Variants in MRPS18B observed in about 807,000 individuals in gnomAD.
MRPS18B encodes mitochondrial ribosomal protein S18B.
In MRPS18B, 27 loss-of-function variants were observed where a neutral mutation model predicts 28.4. That is an observed-to-expected ratio of 0.95 (90% CI 0.70 to 1.31). The LOEUF (loss-of-function observed/expected upper bound fraction) is 1.31. Ranked by LOEUF, MRPS18B falls within the 40% of genes most tolerant of loss-of-function variation. The pLI is 0.00. For missense variants in MRPS18B, 343 were observed against 335.9 expected (o/e 1.02, Z -0.17); for synonymous variants, 118 against 123.7 (o/e 0.95, Z 0.30).
chr6:30,620,071 A>G, intron 4 of MRPS18B, 82 bp downstream of exon 4: 1 of 1,367,464 alleles, frequency 7.3e-7, no homozygotes, highest in Non-Finnish European at 1.0e-6. Flanking sequence ...TAATCCCAGC[A>G]CTTTGGGAGG....
At position 30,617,861 on chromosome 6, in the gene MRPS18B, T is replaced by C. The variant is rs773439451; in HGVS notation, c.-5T>C. ...CGTCAATTCCTGTCCTGGGCGTACG[T>C]CAAGATGGCGGCGTCTGTATTAAAC... On this transcript the variant is annotated 5_prime_UTR_variant, in exon 1 of 7. Coordinates refer to ENST00000259873, the MANE Select transcript of MRPS18B (RefSeq NM_014046.4). The C allele has an allele frequency of 8.7e-6, 14 of 1,614,178 alleles. No individual in the cohort carries two copies. The Middle Eastern group carries it at 5.0e-4, about 57-fold the overall frequency.
intron 4 of MRPS18B, among the ~76,000 whole-genome samples, chr6:30,621,536 TG>T (rs1170930822): frequency 6.6e-6 from 1 of 152,200 alleles, no homozygotes; most frequent in Non-Finnish European, 1.5e-5. Flanking sequence ...GTAGAGCATT[TG>T]GATAACAGTC....
At position 30,626,214 on chromosome 6, in the gene MRPS18B, C is replaced by T. The variant is rs372073637; in HGVS notation, c.*417C>T. The T allele has an allele frequency of 3.5e-4, 65 of 187,452 alleles. 2 individuals are homozygous for T. The South Asian group carries it at 9.4e-3, about 27-fold the overall frequency. The allele number at this position is 187,452 out of a possible 1,614,324, so 11.6% of individuals were successfully genotyped here. On this transcript the variant is annotated 3_prime_UTR_variant, in exon 7 of 7. Coordinates refer to ENST00000259873, the MANE Select transcript of MRPS18B (RefSeq NM_014046.4). ...GTGTCTTTTGTGGCCAGTGACAAATCCAGGAAATGAATGTTGCTGATAGGG... is the reference window on the plus strand; with the variant it reads ...GTGTCTTTTGTGGCCAGTGACAAATTCAGGAAATGAATGTTGCTGATAGGG...
chr6:30,624,861 C>A, intron 5 of MRPS18B, 22 bp from the exon 6 acceptor site: 1 of 1,611,870 alleles, frequency 6.2e-7, no homozygotes, highest in Non-Finnish European at 8.5e-7. Flanking sequence ...CCTTAAAGAA[C>A]AAGATATTTT....
Position 30,625,702 on chromosome 6 carries a change from A to T in MRPS18B, c.682A>T (p.Ser228Cys). The change falls in exon 7 of 7, where the codon AGT becomes TGT. Residue 228 changes from serine to cysteine, a missense_variant. Transcript: ENST00000259873. ...TTACCAGGGTCATCTCCAAGAAGAGAGTGGCCCCCCACCTGAGTCAATGCC... is the reference window on the plus strand; with the variant it reads ...TTACCAGGGTCATCTCCAAGAAGAGTGTGGCCCCCCACCTGAGTCAATGCC... ...RLYQGHLQEE[S>C]GPPPESMPKM... is the part of the protein sequence containing the mutation. The T allele has an allele frequency of 6.2e-7, 1 of 1,613,044 alleles. No individual in the cohort carries two copies. The highest frequency in any genetic ancestry group is 1.3e-5 in the African/African-American group (1 of 75,034).
chr6:30,620,314 C>T (rs978679497), intron 4 of MRPS18B, among the ~76,000 whole-genome samples: 13 of 149,400 alleles, frequency 8.7e-5, no homozygotes, highest in African/African-American at 3.2e-4. Context: ...GAGACTCCGT[C>T]TCAAAAAAAA....
chr6:30,621,442 A>G (rs1761152564), intron 4 of MRPS18B, among the ~76,000 whole-genome samples: 1 of 152,190 alleles, frequency 6.6e-6, no homozygotes, highest in Admixed American at 6.5e-5. Flanking sequence ...TTATATCAAT[A>G]AAACAGATAA....
At position 30,619,917 on chromosome 6, in the gene MRPS18B, A is replaced by T. The variant is rs1159822554; in HGVS notation, c.286-4A>T. On this transcript the variant is annotated splice_region_variant and splice_polypyrimidine_tract_variant and intron_variant, in intron 3 of 6. Transcript: ENST00000259873. ...CTTAACTGCTGTTTTTTTTCTCTCT[A>T]CAGCGTCGGAATAAAGTTGTTGGGA... 1.2e-6 allele frequency: 2 copies of T among 1,614,040 alleles called. No homozygotes were observed. The highest frequency in any genetic ancestry group is 1.7e-6 in the Non-Finnish European group (2 of 1,179,956).
chr6:30,625,382 AC>A (rs1312318070), intron 6 of MRPS18B, 119 bp from the exon 7 acceptor site: 3 of 1,017,366 alleles, frequency 2.9e-6, no homozygotes, highest in Non-Finnish European at 4.4e-6. Flanking sequence ...GCAGTATACA[AC>A]ATGCATAAAT....
intron 6 of MRPS18B, 49 bp downstream of exon 6, chr6:30,624,991 A>G (rs1031855822): frequency 6.2e-7 from 1 of 1,600,120 alleles, no homozygotes; most frequent in Non-Finnish European, 8.6e-7. Flanking sequence ...TATAAGGAAG[A>G]TGACTTAGGG....
At chr6:30,622,561 CAAAAAA>C (rs554297101) in intron 4 of MRPS18B, among the ~76,000 whole-genome samples, 3 of 28,564 alleles carry the variant, frequency 1.1e-4, no homozygotes, top group African/African-American at 1.9e-4. Context: ...GACTCTGTCT[CAAAAAA>C]AAAAAAAAAA....
chr6:30,618,087 C>CG (rs949851674), intron 1 of MRPS18B, 144 bp downstream of exon 1: 3 of 786,030 alleles, frequency 3.8e-6, no homozygotes, highest in East Asian at 5.5e-5. Context: ...ACCCCCCCCC[C>CG]ACACCCCGCG....
chr6:30,619,581 G>T lies in MRPS18B; in HGVS notation c.167G>T (p.Trp56Leu). The T allele has an allele frequency of 6.2e-7, 1 of 1,612,678 alleles. No individual in the cohort carries two copies. Among genetic ancestry groups the T allele is most frequent in the Non-Finnish European group, 8.5e-7 (1 of 1,179,732 alleles). Residue 56 changes from tryptophan (W) to leucine (L), a missense_variant, in exon 2 of 7, where the codon TGG (tryptophan) becomes TTG (leucine). By Grantham distance (61) the Trp-to-Leu change is moderately conservative (BLOSUM62 -2). Coordinates refer to ENST00000259873, the MANE Select transcript of MRPS18B (RefSeq NM_014046.4). Reference sequence around the variant, plus strand: ...ATTTCTCCTTATAAGGATGAGCCCTGGAAATATCTGGAATCAGAAGGTACC... The same window carrying T: ...ATTTCTCCTTATAAGGATGAGCCCTTGAAATATCTGGAATCAGAAGGTACC... ...VPISPYKDEP[W>L]KYLESEEYQE...
Position 30,619,965 on chromosome 6 carries a change from T to C in MRPS18B, c.330T>C (p.Asp110=). 1 of 1,614,192 alleles carries C rather than the reference T, an allele frequency of 6.2e-7. No homozygotes were observed. The highest frequency in any genetic ancestry group is 8.5e-7 in the Non-Finnish European group (1 of 1,180,012). ...GGAATCCCTGCCCCATCTGTCGAGATCACAAGTTGCATGTTGACTTTAGGG... is the reference window on the plus strand; with the variant it reads ...GGAATCCCTGCCCCATCTGTCGAGACCACAAGTTGCATGTTGACTTTAGGG... ...VVGNPCPICR[D]HKLHVDFRNV... The change falls in exon 4 of 7, where the codon GAT becomes GAC. Residue 110 remains aspartate (D), a synonymous_variant. Transcript: ENST00000259873.
chr6:30,619,787 G>A lies in MRPS18B; in HGVS notation c.266G>A (p.Arg89Gln), dbSNP rs113079348. ...RNHKGGVPPQRTRKTCIRRNK... is the reference protein window; with the variant it reads ...RNHKGGVPPQQTRKTCIRRNK... ...CACAAGGGTGGTGTACCCCCACAGCGGACTCGGAAGACATGTATTGTGAGT... is the reference window on the plus strand; with the variant it reads ...CACAAGGGTGGTGTACCCCCACAGCAGACTCGGAAGACATGTATTGTGAGT... The change falls in exon 3 of 7, where the codon CGG becomes CAG. Residue 89 changes from arginine to glutamine, a missense_variant. Physicochemically the swap from Arg to Gln is conservative, Grantham distance 43. Coordinates refer to ENST00000259873, the MANE Select transcript of MRPS18B (RefSeq NM_014046.4). 2.7e-5 allele frequency: 44 copies of A among 1,614,210 alleles called. No homozygotes were observed. The highest frequency in any genetic ancestry group is 1.5e-4 in the African/African-American group (11 of 75,060).
intron 4 of MRPS18B, among the ~76,000 whole-genome samples, chr6:30,622,098 G>C (rs1212158098): frequency 6.6e-6 from 1 of 151,952 alleles, no homozygotes; most frequent in Non-Finnish European, 1.5e-5. Flanking sequence ...AATTTGCTGA[G>C]AGAGAGTTCT....
rs1052459242 is a variant in MRPS18B, at chr6:30,618,082, C to T, written c.78+139C>T. Reference sequence around the variant, plus strand: ...TCTAGGCAGTACTTCCTGCAACCCCCCCCCCACACCCCGCGCATTTTCTAA... The same window carrying T: ...TCTAGGCAGTACTTCCTGCAACCCCTCCCCCACACCCCGCGCATTTTCTAA... On this transcript the variant is annotated intron_variant, in intron 1 of 6. Coordinates refer to ENST00000259873, the MANE Select transcript of MRPS18B (RefSeq NM_014046.4). 2.4e-5 allele frequency: 19 copies of T among 802,448 alleles called. No homozygotes were observed. The African/African-American group carries it at 2.6e-4, about 11-fold the overall frequency. The allele number at this position is 802,448 out of a possible 1,614,324, so 49.7% of individuals were successfully genotyped here.
chr6:30,618,302 A>G (rs1270927050), intron 1 of MRPS18B, among the ~76,000 whole-genome samples: 1 of 151,858 alleles, frequency 6.6e-6, no homozygotes, highest in Non-Finnish European at 1.5e-5. Context: ...TAACATATGT[A>G]CTCCCCAAGC....
chr6:30,625,020 T>C, intron 6 of MRPS18B, 78 bp downstream of exon 6: 1 of 1,491,132 alleles, frequency 6.7e-7, no homozygotes, highest in Non-Finnish European at 9.3e-7. Flanking sequence ...TGGATATAAA[T>C]GCTCACACCT....
Sources: gnomAD v4.1 joint callset for allele counts (sites outside exome capture counted in the v4.1 genomes callset) on GRCh38, gnomAD v4.1.1 for gene constraint, MANE v1.5 for transcripts, NCBI Gene and HGNC (gene_info 2026-07-23, HGNC 2026-07-21) for gene names.